The following SNCAIP variants were observed in gnomAD, a reference collection of about 807,000 sequenced individuals.
SNCAIP encodes synphilin-1.
In SNCAIP, 43 loss-of-function variants were observed where a neutral mutation model predicts 86.7. The ratio of observed to expected loss-of-function variants is 0.50; its 90% CI spans 0.39 to 0.64. The LOEUF (loss-of-function observed/expected upper bound fraction) is 0.64. SNCAIP is among the 30% of genes least tolerant of loss of function. SNCAIP has a pLI of 0.00. For missense variants in SNCAIP, 981 were observed against 1,103.1 expected, an observed-to-expected ratio of 0.89 and a Z score of 1.57; for synonymous variants, 417 against 427.2, an observed-to-expected ratio of 0.98 and a Z score of 0.29.
At chr5:122,443,658 G>A (rs1013403646) in intron 7 of SNCAIP, 1 of 456,642 alleles carries the variant, frequency 2.2e-6, no homozygotes, top group African/African-American at 2.0e-5. Flanking sequence ...TATCTCTTCT[G>A]GGCTGCAGTG....
At chr5:122,396,200 T>A (rs940513458) in intron 2 of SNCAIP, among the ~76,000 whole-genome samples, 1 of 152,180 alleles carries the variant, frequency 6.6e-6, no homozygotes, top group Non-Finnish European at 1.5e-5. Context: ...TCTAACATCA[T>A]ATGCCATATG....
At chr5:122,348,172 A>G (rs1759006020) in intron 1 of SNCAIP, among the ~76,000 whole-genome samples, 1 of 152,168 alleles carries the variant, frequency 6.6e-6, no homozygotes, top group South Asian at 2.1e-4. Context: ...ATTGGGATAC[A>G]ACTTGAAAAT....
chr5:122,334,284 A>G (rs1235986213), intron 1 of SNCAIP, among the ~76,000 whole-genome samples: 1 of 152,162 alleles, frequency 6.6e-6, no homozygotes, highest in Non-Finnish European at 1.5e-5. Flanking sequence ...AGAAAAAAAA[A>G]AAAATGAAGC....
intron 3 of SNCAIP, among the ~76,000 whole-genome samples, chr5:122,412,605 C>T (rs73287545): frequency 0.024 from 3,698 of 152,256 alleles, 143 homozygotes; most frequent in African/African-American, 0.085. Context: ...ATAGGACCCT[C>T]CCTCTGCCCT....
At chr5:122,362,218 G>C (rs1207578095) in intron 1 of SNCAIP, among the ~76,000 whole-genome samples, 3 of 152,284 alleles carry the variant, frequency 2.0e-5, no homozygotes, top group Non-Finnish European at 4.4e-5. Flanking sequence ...AATGCCCTCA[G>C]ATAAAAGTGT....
In SNCAIP at chr5:122,339,830, G is replaced by A. The variant is rs80055681; in HGVS notation, c.-47+27546G>A. ...CTAGAACAGAAGTCTGGGAACTAAC[G>A]TGGAATATTAAACGACTGAATACAA... On this transcript the variant is annotated intron_variant, in intron 1 of 10. Transcript: ENST00000261368. Among the ~76,000 whole-genome samples, 731 of 152,288 alleles carry A rather than the reference G, an allele frequency of 4.8e-3. 3 individuals are homozygous for A. The highest frequency in any genetic ancestry group is 0.017 in the African/African-American group (686 of 41,566).
chr5:122,342,158 G>T (rs1488320183), intron 1 of SNCAIP, among the ~76,000 whole-genome samples: 3 of 152,034 alleles, frequency 2.0e-5, no homozygotes, highest in Admixed American at 6.5e-5. Flanking sequence ...ACCCAAAATT[G>T]CAATTTTTTG....
chr5:122,323,544 A>G (rs1328566680), intron 1 of SNCAIP, among the ~76,000 whole-genome samples: 1 of 152,212 alleles, frequency 6.6e-6, no homozygotes, highest in Non-Finnish European at 1.5e-5. Flanking sequence ...TTGCCAATGG[A>G]AGCACAGGTG....
chr5:122,403,778 T>G lies in SNCAIP; in HGVS notation c.58-15T>G, dbSNP rs1772359121. The G allele has an allele frequency of 6.2e-7, 1 of 1,608,970 alleles. No individual in the cohort carries two copies. Among genetic ancestry groups the G allele is most frequent in the Admixed American group, 1.7e-5 (1 of 59,988 alleles). On this transcript the variant is annotated splice_polypyrimidine_tract_variant and intron_variant, in intron 2 of 10. Transcript: ENST00000261368. ...AAATTATTTTATGCCCTCTCTTCTC[T>G]GGCTTCCCGTTCAGTATTCAGTCAC...
At chr5:122,402,784 A>C (rs1480700647) in intron 2 of SNCAIP, among the ~76,000 whole-genome samples, 4 of 152,176 alleles carry the variant, frequency 2.6e-5, no homozygotes, top group Admixed American at 2.6e-4. Context: ...TTTTAGATTA[A>C]ATGCTTTTTC....
chr5:122,419,744 T>G (rs1776015647), intron 3 of SNCAIP, among the ~76,000 whole-genome samples: 1 of 152,196 alleles, frequency 6.6e-6, no homozygotes, highest in South Asian at 2.1e-4. Context: ...GCCTCAAAAT[T>G]TTTCTAGTAA....
At chr5:122,409,764 T>C (rs972432576) in intron 3 of SNCAIP, among the ~76,000 whole-genome samples, 2 of 152,220 alleles carry the variant, frequency 1.3e-5, no homozygotes, top group Non-Finnish European at 2.9e-5. Flanking sequence ...AGCCAGCACC[T>C]AAAATAAGTT....
intron 1 of SNCAIP, among the ~76,000 whole-genome samples, chr5:122,314,181 C>A (rs1412829375): frequency 6.6e-6 from 1 of 152,180 alleles, no homozygotes; most frequent in Non-Finnish European, 1.5e-5. Context: ...AAACTTTGTG[C>A]GTGCTATTGT....
At chr5:122,400,252 G>C (rs900229088) in intron 2 of SNCAIP, among the ~76,000 whole-genome samples, 1 of 151,984 alleles carries the variant, frequency 6.6e-6, no homozygotes, top group Non-Finnish European at 1.5e-5. Context: ...CCATGCTAAG[G>C]CATATGGTCT....
chr5:122,448,662 T>A (rs12519584), intron 8 of SNCAIP, among the ~76,000 whole-genome samples: 13,437 of 113,272 alleles, frequency 0.12, 1,044 homozygotes, highest in African/African-American at 0.17. Context: ...TTATATATAT[T>A]ATATATATTA....
chr5:122,403,105 T>C (rs1460213922), intron 2 of SNCAIP, among the ~76,000 whole-genome samples: 2 of 152,202 alleles, frequency 1.3e-5, no homozygotes, highest in African/African-American at 4.8e-5. Flanking sequence ...CCTTGTATCA[T>C]AATTTATCCT....
At chr5:122,340,052 A>G (rs1757253452) in intron 1 of SNCAIP, among the ~76,000 whole-genome samples, 1 of 152,214 alleles carries the variant, frequency 6.6e-6, no homozygotes, top group East Asian at 1.9e-4. Context: ...TTTTAAGACC[A>G]CAATATGTTA....
chr5:122,335,070 T>C (rs573493785), intron 1 of SNCAIP, among the ~76,000 whole-genome samples: 3 of 152,360 alleles, frequency 2.0e-5, no homozygotes, highest in African/African-American at 7.2e-5. Context: ...GGAAGGCTTA[T>C]AGGCAACTTA....
intron 10 of SNCAIP, among the ~76,000 whole-genome samples, chr5:122,458,651 C>T (rs963184115): frequency 5.9e-5 from 9 of 152,194 alleles, no homozygotes; most frequent in Non-Finnish European, 1.2e-4. Context: ...CTGAGGACAG[C>T]GCGGATGGAC....
Sources: gnomAD v4.1 joint callset for allele counts (sites outside exome capture counted in the v4.1 genomes callset) on GRCh38, gnomAD v4.1.1 for gene constraint, MANE v1.5 for transcripts, NCBI Gene and HGNC (gene_info 2026-07-23, HGNC 2026-07-21) for gene names.